The following INTS6 variants were observed in gnomAD, a reference collection of about 807,000 sequenced individuals.
INTS6 encodes integrator complex subunit 6.
INTS6 carries 16 observed loss-of-function variants against 104.9 expected under a neutral mutation model. The observed-to-expected ratio is 0.15, with a 90% CI of 0.10 to 0.23. The LOEUF (loss-of-function observed/expected upper bound fraction) is 0.23, where lower values mean the gene tolerates loss of function less well. INTS6 is among the 10% of genes least tolerant of loss of function. The pLI is 1.00. For synonymous variants in INTS6, 324 were observed against 358.7 expected (o/e 0.90, Z 1.09); for missense variants, 584 against 1,062.8 (o/e 0.55, Z 6.26).
chr13:51,408,528 T>A (rs1956619555), intron 4 of INTS6, among the ~76,000 whole-genome samples: 1 of 152,176 alleles, frequency 6.6e-6, no homozygotes, highest in African/African-American at 2.4e-5. Context: ...AAGCTTTGAA[T>A]CATTTTGGAG....
rs57913744 is a variant in INTS6, at chr13:51,409,263, A to AAATAATAAT, written c.430-13789_430-13781dup. Among the ~76,000 whole-genome samples, 315 of 135,940 alleles carry AAATAATAAT rather than the reference A, an allele frequency of 2.3e-3. 1 individual carries two copies. Among genetic ancestry groups the AAATAATAAT allele is most frequent in the Admixed American group, 3.6e-3 (48 of 13,350 alleles). The allele number at this position is 135,940 out of a possible 152,430, so 89.2% of individuals were successfully genotyped here. ...GGGTGACAGAGTGAGAATCCGTCTC[A>AAATAATAAT]AATAATAATAATAATAATAATAATA... On this transcript the variant is annotated intron_variant, in intron 4 of 17. Coordinates refer to ENST00000311234, the MANE Select transcript of INTS6 (RefSeq NM_012141.3).
At chr13:51,359,861 G>C (rs776342788), downstream of INTS6, among the ~76,000 whole-genome samples, 12 of 152,058 alleles carry the variant, frequency 7.9e-5, no homozygotes, top group Non-Finnish European at 1.8e-4. Flanking sequence ...ATTATTGATA[G>C]TGAAATTTGT....
At chr13:51,338,549 G>GGATGGACA in the INTS6 span, among the ~76,000 whole-genome samples, 138 of 152,270 alleles carry the variant, frequency 9.1e-4, 1 homozygote, top group South Asian at 6.0e-3. Flanking sequence ...ATGCATGGAT[G>GGATGGACA]GATGGACAGA....
downstream of INTS6, among the ~76,000 whole-genome samples, chr13:51,350,895 A>G (rs140816867): frequency 8.5e-5 from 13 of 152,340 alleles, no homozygotes; most frequent in Admixed American, 8.5e-4. Flanking sequence ...TACATATTGT[A>G]CAATTATACA....
intron 3 of INTS6, chr13:51,444,801 T>A (rs975161224): frequency 4.5e-5 from 6 of 134,794 alleles, no homozygotes; most frequent in African/African-American, 1.4e-4. Context: ...TTCATTTTTC[T>A]TTTTTTTTTT....
chr13:51,402,867 C>G (rs1956464071), intron 4 of INTS6: 1 of 152,130 alleles, frequency 6.6e-6, no homozygotes, highest in South Asian at 2.1e-4. Context: ...ATTTTATGTA[C>G]TTATAAAAGT....
chr13:51,360,312 G>A (rs1429482493), downstream of INTS6, among the ~76,000 whole-genome samples: 2 of 151,580 alleles, frequency 1.3e-5, no homozygotes, highest in South Asian at 2.1e-4. Flanking sequence ...AGGCGGCAGT[G>A]TTTGAATGGA....
At chr13:51,377,745 T>C (rs1404606673) in intron 12 of INTS6, among the ~76,000 whole-genome samples, 2 of 152,116 alleles carry the variant, frequency 1.3e-5, no homozygotes, top group Non-Finnish European at 2.9e-5. Flanking sequence ...TAAAATCAGA[T>C]GATATAAGTC....
chr13:51,430,463 T>A, intron 3 of INTS6, 80 bp from the exon 4 acceptor site: 1 of 966,820 alleles, frequency 1.0e-6, no homozygotes, highest in Non-Finnish European at 1.6e-6. Context: ...CAGAACAGCA[T>A]ATATACGATC....
intron 4 of INTS6, among the ~76,000 whole-genome samples, chr13:51,400,177 T>C (rs1956410267): frequency 6.6e-6 from 1 of 152,200 alleles, no homozygotes; most frequent in Non-Finnish European, 1.5e-5. Flanking sequence ...TCCAAAACCA[T>C]ACCCACCCAT....
chr13:51,378,884 G>A (rs1033858683), intron 11 of INTS6, among the ~76,000 whole-genome samples: 4 of 152,076 alleles, frequency 2.6e-5, no homozygotes, highest in African/African-American at 9.6e-5. Flanking sequence ...AAAGCAAGAA[G>A]CAATGTTTTG....
intron 5 of INTS6, among the ~76,000 whole-genome samples, chr13:51,389,832 CAT>C (rs908532283): frequency 4.6e-5 from 7 of 152,090 alleles, no homozygotes; most frequent in Admixed American, 2.0e-4. Context: ...TACACACACA[CAT>C]CTAGTAACTG....
rs1434922940 is a variant in INTS6 at position 51,365,686 on chromosome 13, AAC to A, written c.*64_*65del. On this transcript the variant is annotated 3_prime_UTR_variant, in exon 18 of 18. Coordinates refer to ENST00000311234, the MANE Select transcript of INTS6 (RefSeq NM_012141.3). ...TGTCAGAAAATGAATGCAAGATCAC[AAC>A]AGTCTTGTATTTACTTTGTATTTGA... 5.8e-6 allele frequency: 5 copies of A among 868,686 alleles called. No individual in the cohort carries two copies. In the African/African-American group the frequency reaches 6.8e-5, roughly 12 times the overall value. The allele number at this position is 868,686 out of a possible 1,614,324, so 53.8% of individuals were successfully genotyped here.
chr13:51,363,909 TTC>T lies in INTS6; in HGVS notation c.*1841_*1842del, dbSNP rs1955633478. 1 of 174,082 alleles carries T rather than the reference TTC, an allele frequency of 5.7e-6. No homozygotes were observed. Among genetic ancestry groups the T allele is most frequent in the East Asian group, 1.5e-4 (1 of 6,888 alleles). The allele number at this position is 174,082 out of a possible 1,614,324, so 10.8% of individuals were successfully genotyped here. A position where few individuals can be genotyped will look rare whatever the true frequency, so the allele number is the denominator to read the frequency against. On this transcript the variant is annotated 3_prime_UTR_variant, in exon 18 of 18. Coordinates refer to ENST00000311234, the MANE Select transcript of INTS6 (RefSeq NM_012141.3). ...AATCTGTGAAACAGAAAATAAAACT[TTC>T]TGATAAGGAAAGCTGCTCAATATTG...
At chr13:51,367,538 G>A (rs1425205221) in intron 17 of INTS6, among the ~76,000 whole-genome samples, 2 of 151,938 alleles carry the variant, frequency 1.3e-5, no homozygotes, top group Admixed American at 1.3e-4. Context: ...ATATCAAAAA[G>A]CTACAGAGAA....
intron 3 of INTS6, among the ~76,000 whole-genome samples, chr13:51,431,236 T>C (rs1484861957): frequency 1.3e-5 from 2 of 152,206 alleles, no homozygotes; most frequent in African/African-American, 2.4e-5. Flanking sequence ...AGGATATAAA[T>C]TTCAAGAGGG....
intron 3 of INTS6, among the ~76,000 whole-genome samples, chr13:51,434,086 A>C (rs1409363117): frequency 2.0e-5 from 3 of 152,160 alleles, no homozygotes; most frequent in Non-Finnish European, 4.4e-5. Context: ...ATTCCATACT[A>C]ACCTGGATTG....
Position 51,378,369 on chromosome 13 carries a change from T to C in INTS6, c.1472A>G (p.His491Arg), listed in dbSNP as rs369199097. Residue 491 changes from histidine to arginine, a missense_variant, in exon 12 of 18, where the codon CAT (histidine) becomes CGT (arginine). His to Arg is a conservative substitution (Grantham distance 29). Around this residue, in one of 5 missense-constraint regions of INTS6, gnomAD observed 74 missense variants for 64.4 expected, o/e 1.15. Coordinates refer to ENST00000311234, the MANE Select transcript of INTS6 (RefSeq NM_012141.3). Reference protein sequence around the residue: ...ETGIKVRSRSHGLSMAYRKDF... With the variant: ...ETGIKVRSRSRGLSMAYRKDF... ...TTTCCTATATGCCATTGATAAACCA[T>C]GTGATCGGCTCCGGACTTTTATTCC... 39 of 1,613,412 alleles carry C rather than the reference T, an allele frequency of 2.4e-5. No individual in the cohort carries two copies. Among genetic ancestry groups the C allele is most frequent in the Non-Finnish European group, 2.9e-5 (34 of 1,179,536 alleles).
intron 4 of INTS6, among the ~76,000 whole-genome samples, chr13:51,396,537 A>G (rs1956341641): frequency 6.6e-6 from 1 of 152,216 alleles, no homozygotes; most frequent in Non-Finnish European, 1.5e-5. Context: ...GTATCACTCA[A>G]TGAGGATGAC....
Sources: gnomAD v4.1 joint callset for allele counts (sites outside exome capture counted in the v4.1 genomes callset) on GRCh38, gnomAD v4.1.1 for gene constraint, gnomAD v4.1.1 regional missense constraint, MANE v1.5 for transcripts, NCBI Gene and HGNC (gene_info 2026-07-23, HGNC 2026-07-21) for gene names.